RIMS1: variants seen among roughly 807,000 people sequenced by gnomAD.
The protein encoded by RIMS1 is regulating synaptic membrane exocytosis 1, also known as regulating synaptic membrane exocytosis protein 1.
In RIMS1, 83 loss-of-function variants were observed where a neutral mutation model predicts 214.1. The ratio of observed to expected loss-of-function variants is 0.39; its 90% CI spans 0.32 to 0.47. The LOEUF is 0.47. Ranked by LOEUF, RIMS1 falls within the 20% of genes least tolerant of loss-of-function variation. The pLI is 0.99. For missense variants in RIMS1, 2,050 were observed against 2,161.8 expected (o/e 0.95, Z 1.03); for synonymous variants, 793 against 786.8 (o/e 1.01, Z -0.13).
chr6:72,330,477 A>AATCTATTC (rs945175822), intron 28 of RIMS1, among the ~76,000 whole-genome samples: 4 of 151,730 alleles, frequency 2.6e-5, no homozygotes, highest in Admixed American at 1.3e-4. Context: ...CCTACTCATA[A>AATCTATTC]ATCTATTCAT....
At chr6:72,291,353 AC>A (rs2093359295) in intron 25 of RIMS1, among the ~76,000 whole-genome samples, 1 of 152,144 alleles carries the variant, frequency 6.6e-6, no homozygotes, top group Admixed American at 6.6e-5. Flanking sequence ...CACTTCTCAA[AC>A]TTTTATTTGT....
intron 26 of RIMS1, among the ~76,000 whole-genome samples, chr6:72,303,386 T>C (rs1180195415): frequency 6.6e-6 from 1 of 151,026 alleles, no homozygotes; most frequent in East Asian, 1.9e-4. Flanking sequence ...TTAAAGATCA[T>C]TGATAACACT....
At chr6:72,210,951 T>C (rs1330753469) in intron 6 of RIMS1, among the ~76,000 whole-genome samples, 1 of 152,164 alleles carries the variant, frequency 6.6e-6, no homozygotes, top group East Asian at 1.9e-4. Flanking sequence ...TGAAATATTA[T>C]GCAAGGCCGA....
At chr6:72,106,740 G>A (rs2034823040) in intron 4 of RIMS1, among the ~76,000 whole-genome samples, 1 of 152,114 alleles carries the variant, frequency 6.6e-6, no homozygotes, top group Admixed American at 6.6e-5. Flanking sequence ...TGTCAGACTA[G>A]TGTATGATGG....
At chr6:72,070,341 C>T (rs1057313217) in intron 2 of RIMS1, among the ~76,000 whole-genome samples, 14 of 151,892 alleles carry the variant, frequency 9.2e-5, no homozygotes, top group Non-Finnish European at 1.5e-5. Flanking sequence ...CATTGATGAA[C>T]TCATATTGAT....
intron 1 of RIMS1, among the ~76,000 whole-genome samples, chr6:71,939,906 A>G (rs1785535848): frequency 6.6e-6 from 1 of 152,226 alleles, no homozygotes; most frequent in Non-Finnish European, 1.5e-5. Flanking sequence ...ATAGTGGTAA[A>G]TGGAGCTACT....
At chr6:72,096,295 C>A (rs571506472) in intron 2 of RIMS1, among the ~76,000 whole-genome samples, 1 of 152,214 alleles carries the variant, frequency 6.6e-6, no homozygotes, top group Admixed American at 6.5e-5. Flanking sequence ...GAACTAGGAG[C>A]TCAAATATAA....
Position 72,161,909 on chromosome 6 carries a change from T to C in RIMS1, c.472-17666T>C, listed in dbSNP as rs1446810227. ...TCTATAGATGTCTATTAGGTCCGCT[T>C]GGTGCAGAGCTGAGTTCAATTCCTG... On this transcript the variant is annotated intron_variant, in intron 4 of 33. Transcript: ENST00000521978. 1.4e-5 allele frequency among the ~76,000 whole-genome samples: 2 copies of C among 140,966 alleles called. 1 individual carries two copies. Among genetic ancestry groups the C allele is most frequent in the Non-Finnish European group, 3.2e-5 (2 of 62,084 alleles). The allele number at this position is 140,966 out of a possible 152,430, so 92.5% of individuals were successfully genotyped here.
At chr6:71,936,025 C>T (rs568537702) in intron 1 of RIMS1, among the ~76,000 whole-genome samples, 37 of 152,186 alleles carry the variant, frequency 2.4e-4, no homozygotes, top group African/African-American at 8.7e-4. Flanking sequence ...GTCCTTTGGG[C>T]GCTGATAGAA....
rs143167862 is a variant in RIMS1, at chr6:72,300,755, A to T, written c.3851-6503A>T. 2.4e-3 allele frequency among the ~76,000 whole-genome samples: 364 copies of T among 151,908 alleles called. 4 individuals are homozygous for T. Among genetic ancestry groups the T allele is most frequent in the East Asian group, 4.4e-3 (23 of 5,182 alleles). Reference sequence around the variant, plus strand: ...AAGAGCCTGACTTTCTTACTTGCCAATGACTAGTATTTTCAGTGACACTCT... The same window carrying T: ...AAGAGCCTGACTTTCTTACTTGCCATTGACTAGTATTTTCAGTGACACTCT... On this transcript the variant is annotated intron_variant, in intron 26 of 33. Coordinates refer to ENST00000521978, the MANE Select transcript of RIMS1 (RefSeq NM_014989.7).
intron 1 of RIMS1, among the ~76,000 whole-genome samples, chr6:71,961,242 GA>G (rs1053064709): frequency 6.6e-6 from 1 of 152,126 alleles, no homozygotes; most frequent in Non-Finnish European, 1.5e-5. Flanking sequence ...ATGGTCAAAT[GA>G]AAGGTGACAT....
intron 11 of RIMS1, 123 bp from the exon 12 acceptor site, chr6:72,247,892 A>G (rs939541274): frequency 1.4e-5 from 9 of 656,200 alleles, no homozygotes; most frequent in Non-Finnish European, 2.2e-5. Flanking sequence ...TATCCCATTA[A>G]AAGTAGGTTC....
intron 4 of RIMS1, among the ~76,000 whole-genome samples, chr6:72,123,722 T>C (rs1562367603): frequency 1.3e-5 from 2 of 151,904 alleles, no homozygotes; most frequent in Non-Finnish European, 2.9e-5. Flanking sequence ...TTTACCATTA[T>C]GTAATGGCCT....
At chr6:71,896,627 AT>A (rs1276131683) in intron 1 of RIMS1, among the ~76,000 whole-genome samples, 1 of 152,208 alleles carries the variant, frequency 6.6e-6, no homozygotes, top group African/African-American at 2.4e-5. Flanking sequence ...ATTAAAAAAA[AT>A]ATGACATACG....
intron 22 of RIMS1, among the ~76,000 whole-genome samples, chr6:72,272,523 T>C (rs79447464): frequency 0.011 from 1,701 of 152,276 alleles, 10 homozygotes; most frequent in Non-Finnish European, 0.017. Flanking sequence ...CAAATATTCG[T>C]TTAAAATTAC....
At chr6:72,233,922 C>A in intron 7 of RIMS1, 82 bp downstream of exon 7, 1 of 862,284 alleles carries the variant, frequency 1.2e-6, no homozygotes, top group Non-Finnish European at 1.9e-6. Flanking sequence ...GTGATATCTG[C>A]TCTATTATTC....
intron 2 of RIMS1, among the ~76,000 whole-genome samples, chr6:72,040,681 A>G (rs1821194615): frequency 6.6e-6 from 1 of 151,962 alleles, no homozygotes; most frequent in South Asian, 2.1e-4. Flanking sequence ...GAATATTAGT[A>G]CCATACACTA....
chr6:72,148,707 A>T, intron 4 of RIMS1: 1 of 336,924 alleles, frequency 3.0e-6, no homozygotes, highest in Non-Finnish European at 5.4e-6. Context: ...GTTTGCGGAG[A>T]CTTGGGTTTT....
At chr6:72,260,534 G>C (rs1452379079) in intron 18 of RIMS1, among the ~76,000 whole-genome samples, 171 bp from the exon 19 acceptor site, 1 of 152,110 alleles carries the variant, frequency 6.6e-6, no homozygotes, top group Non-Finnish European at 1.5e-5. Flanking sequence ...GTACTTTATT[G>C]TTTAAATTTT....
Sources: allele counts gnomAD v4.1 joint callset (sites outside exome capture counted in the v4.1 genomes callset), GRCh38; gene constraint gnomAD v4.1.1; transcripts MANE v1.5; gene names NCBI Gene and HGNC (gene_info 2026-07-23, HGNC 2026-07-21).